DYSF: variants seen among roughly 807,000 people sequenced by gnomAD.
DYSF encodes the protein dystrophy-associated fer-1-like 1.
DYSF carries 212 observed loss-of-function variants against 274.9 expected under a neutral mutation model. The ratio of observed to expected loss-of-function variants is 0.77; its 90% confidence interval spans 0.69 to 0.86. DYSF has a LOEUF of 0.86. DYSF is among the 40% of genes least tolerant of loss of function. The probability of loss-of-function intolerance (pLI) is 0.00; values close to 1 mark genes in which losing one functional copy is unlikely to be tolerated. For missense variants in DYSF, 2,666 were observed against 2,783.2 expected, an observed-to-expected ratio of 0.96 and a Z score of 0.95; for synonymous variants, 1,091 against 1,078.7, an observed-to-expected ratio of 1.01 and a Z score of -0.22.
At chr2:71,464,671 A>G (rs999542304), upstream of DYSF, among the ~76,000 whole-genome samples, 1 of 152,088 alleles carries the variant, frequency 6.6e-6, no homozygotes, top group Non-Finnish European at 1.5e-5. Context: ...CAGCGAGGTC[A>G]GCCAGGGCTT....
chr2:71,571,292 A>G (rs376182488), intron 29 of DYSF, among the ~76,000 whole-genome samples: 9 of 141,190 alleles, frequency 6.4e-5, no homozygotes, highest in Non-Finnish European at 1.4e-4. Context: ...GTTCACACCT[A>G]GCACACACAG....
intron 13 of DYSF, among the ~76,000 whole-genome samples, chr2:71,527,129 T>A (rs72900813): frequency 0.11 from 16,632 of 152,268 alleles, 1,066 homozygotes; most frequent in African/African-American, 0.17. Context: ...GGGCCCCACC[T>A]CCAGCGTTTT....
chr2:71,473,907 C>G (rs978490770), intron 1 of DYSF, among the ~76,000 whole-genome samples: 1 of 145,034 alleles, frequency 6.9e-6, no homozygotes, highest in Admixed American at 6.9e-5. Context: ...TGCAGTTCTA[C>G]TTTCTGTATG....
chr2:71,567,566 T>G (rs2152810487), intron 24 of DYSF, among the ~76,000 whole-genome samples: 1 of 152,328 alleles, frequency 6.6e-6, no homozygotes, highest in Middle Eastern at 3.4e-3. Context: ...GGTGAAGATA[T>G]AAACCATTTT....
chr2:71,458,782 T>C (rs931315420), intron 1 of DYSF, among the ~76,000 whole-genome samples: 2 of 152,162 alleles, frequency 1.3e-5, no homozygotes, highest in African/African-American at 4.8e-5. Context: ...GAGTTGCTAG[T>C]GTTTTGTTTA....
At chr2:71,481,785 C>T (rs940491883) in intron 2 of DYSF, 94 bp from the exon 3 acceptor site, 2 of 939,468 alleles carry the variant, frequency 2.1e-6, no homozygotes, top group East Asian at 5.0e-5. Flanking sequence ...TCATGAATGC[C>T]TACTCAGTGC....
chr2:71,563,476 A>G (rs902796877), intron 23 of DYSF, among the ~76,000 whole-genome samples: 3 of 152,140 alleles, frequency 2.0e-5, no homozygotes, highest in Non-Finnish European at 4.4e-5. Context: ...GCAGTTGTCA[A>G]TCATGCTGGA....
At chr2:71,553,291 AGGCCCTGGTCCT>A (rs906924037) in intron 20 of DYSF, 103 bp downstream of exon 20, 52 of 1,550,564 alleles carry the variant, frequency 3.4e-5, no homozygotes, top group Non-Finnish European at 4.6e-5. Context: ...GTCTACTCAA[AGGCCCTGGTCCT>A]GGCCCTGGCA....
chr2:71,491,171 T>C (rs138856818), intron 3 of DYSF, among the ~76,000 whole-genome samples: 173 of 152,338 alleles, frequency 1.1e-3, no homozygotes, highest in African/African-American at 4.1e-3. Context: ...TGAGCATCTT[T>C]TGTGTGCTGA....
At chr2:71,680,321 G>C (rs2095280207) in intron 53 of DYSF, among the ~76,000 whole-genome samples, 1 of 152,132 alleles carries the variant, frequency 6.6e-6, no homozygotes, top group Admixed American at 6.5e-5. Flanking sequence ...TTGCTGCTGA[G>C]CATGCAGAGA....
intron 45 of DYSF, among the ~76,000 whole-genome samples, chr2:71,662,714 T>C (rs1336458384): frequency 2.0e-5 from 3 of 151,166 alleles, no homozygotes; most frequent in Non-Finnish European, 4.4e-5. Context: ...GTGTTGTATG[T>C]ATGTGTGTGT....
At chr2:71,618,450 GT>G (rs1411529699) in intron 40 of DYSF, among the ~76,000 whole-genome samples, 363 of 12,510 alleles carry the variant, frequency 0.029, no homozygotes, top group Middle Eastern at 0.12. Flanking sequence ...TGTGGTAGAG[GT>G]GGGGTTGTGT....
upstream of DYSF, among the ~76,000 whole-genome samples, chr2:71,462,124 C>T (rs1206875264): frequency 6.6e-6 from 1 of 152,220 alleles, no homozygotes; most frequent in East Asian, 1.9e-4. Flanking sequence ...GCAGGCTGTG[C>T]TCAGCTCTCA....
At chr2:71,620,657 G>T in intron 41 of DYSF, 48 bp downstream of exon 41, 1 of 1,534,742 alleles carries the variant, frequency 6.5e-7, no homozygotes, top group Non-Finnish European at 8.8e-7. Context: ...CCCTTGTGGG[G>T]CTGGGGGTAG....
chr2:71,475,916 A>G (rs1307339399), intron 1 of DYSF, among the ~76,000 whole-genome samples: 6 of 152,072 alleles, frequency 3.9e-5, no homozygotes, highest in Middle Eastern at 3.2e-3. Context: ...CCGCAGGCAC[A>G]TGCACCACTA....
intron 26 of DYSF, 27 bp from the exon 27 acceptor site, chr2:71,569,793 G>C (rs753777106): frequency 6.3e-7 from 1 of 1,598,396 alleles, no homozygotes; most frequent in Non-Finnish European, 8.6e-7. Context: ...CAGAGCAGCA[G>C]AGACTCTGAC....
chr2:71,538,062 C>A (rs996020720), intron 16 of DYSF, among the ~76,000 whole-genome samples: 1 of 152,242 alleles, frequency 6.6e-6, no homozygotes, highest in Non-Finnish European at 1.5e-5. Context: ...CTGGTCTCCA[C>A]GTCAGCATAT....
At chr2:71,457,665 C>T (rs143539766) in intron 1 of DYSF, among the ~76,000 whole-genome samples, 4 of 152,300 alleles carry the variant, frequency 2.6e-5, no homozygotes, top group Non-Finnish European at 5.9e-5. Context: ...TCAGGGGGTC[C>T]TTGCTCTCTG....
intron 33 of DYSF, among the ~76,000 whole-genome samples, chr2:71,599,635 C>T (rs550725661): frequency 3.9e-4 from 59 of 152,230 alleles, no homozygotes; most frequent in Admixed American, 2.1e-3. Flanking sequence ...CAGCATTTTC[C>T]GAAGAGGAGG....
Sources: gnomAD v4.1 joint callset for allele counts (sites outside exome capture counted in the v4.1 genomes callset) on GRCh38, gnomAD v4.1.1 for gene constraint, MANE v1.5 for transcripts, NCBI Gene and HGNC (gene_info 2026-07-23, HGNC 2026-07-21) for gene names.